HS6ST1: variants seen among roughly 807,000 people sequenced by gnomAD.
HS6ST1 encodes heparan-sulfate 6-O-sulfotransferase 1.
Under a neutral mutation model 25.2 loss-of-function variants are expected in HS6ST1, and 3 were observed. The observed-to-expected ratio is 0.12, with a 90% CI of 0.05 to 0.31. The LOEUF (loss-of-function observed/expected upper bound fraction) is 0.31. HS6ST1 is among the 10% of genes least tolerant of loss of function. The probability of loss-of-function intolerance (pLI) is 1.00; values close to 1 mark genes in which losing one functional copy is unlikely to be tolerated. For missense variants in HS6ST1, 310 were observed against 609.6 expected (o/e 0.51, Z 5.18); for synonymous variants, 204 against 275.1 (o/e 0.74, Z 2.56).
At chr2:128,316,570 A>G (rs1227209977) in intron 1 of HS6ST1, among the ~76,000 whole-genome samples, 1 of 152,178 alleles carries the variant, frequency 6.6e-6, no homozygotes. Context: ...TGTGCAGAGC[A>G]GACTAAGTGC....
chr2:128,285,084 C>T (rs946756660), intron 1 of HS6ST1, among the ~76,000 whole-genome samples: 7 of 152,238 alleles, frequency 4.6e-5, no homozygotes, highest in Non-Finnish European at 5.9e-5. Context: ...AGAGAACACA[C>T]GCTGATGGAG....
chr2:128,292,536 G>T (rs1254250441), intron 1 of HS6ST1, among the ~76,000 whole-genome samples: 1 of 152,112 alleles, frequency 6.6e-6, no homozygotes, highest in Non-Finnish European at 1.5e-5. Flanking sequence ...TCCCGGCGAG[G>T]ATGTGGAGGG....
intron 1 of HS6ST1, among the ~76,000 whole-genome samples, chr2:128,316,508 C>A (rs896367059): frequency 6.6e-6 from 1 of 152,064 alleles, no homozygotes; most frequent in African/African-American, 2.4e-5. Flanking sequence ...CTGAGCCTAG[C>A]ACAGAGAAGC....
chr2:128,288,081 C>T lies in HS6ST1; in HGVS notation c.528-19211G>A, dbSNP rs533946307. Among the ~76,000 whole-genome samples, 248 of 152,318 alleles carry T rather than the reference C, an allele frequency of 1.6e-3. 1 individual carries two copies. The highest frequency in any genetic ancestry group is 5.7e-3 in the African/African-American group (236 of 41,578). On this transcript the variant is annotated intron_variant, in intron 1 of 1. Transcript: ENST00000259241. Reference sequence around the variant, plus strand: ...GAGCAGCAGGGCAGCTGACTAGGGGCGGGCTGGCTCGGCCTGAGACCTGTC... The same window carrying T: ...GAGCAGCAGGGCAGCTGACTAGGGGTGGGCTGGCTCGGCCTGAGACCTGTC...
At chr2:128,269,646 G>A (rs889239489) in intron 1 of HS6ST1, among the ~76,000 whole-genome samples, 2 of 152,220 alleles carry the variant, frequency 1.3e-5, no homozygotes, top group Non-Finnish European at 2.9e-5. Context: ...GTGTGTGTGT[G>A]GGCTCAGCCC....
intron 1 of HS6ST1, among the ~76,000 whole-genome samples, chr2:128,286,117 C>G (rs1693856545): frequency 6.6e-6 from 1 of 152,232 alleles, no homozygotes; most frequent in Non-Finnish European, 1.5e-5. Flanking sequence ...GACTTAGAGC[C>G]TACAGCACCC....
At chr2:128,271,551 G>A (rs1325150633) in intron 1 of HS6ST1, among the ~76,000 whole-genome samples, 5 of 152,212 alleles carry the variant, frequency 3.3e-5, no homozygotes, top group African/African-American at 1.2e-4. Context: ...GGAAATGCGA[G>A]GGAGGGAGCA....
intron 1 of HS6ST1, among the ~76,000 whole-genome samples, chr2:128,306,875 C>A (rs891947873): frequency 1.3e-5 from 2 of 152,174 alleles, no homozygotes; most frequent in Non-Finnish European, 2.9e-5. Context: ...CAGGGCCAGG[C>A]ACCAGGCTGG....
chr2:128,312,924 G>A (rs548957993), intron 1 of HS6ST1, among the ~76,000 whole-genome samples: 1 of 152,136 alleles, frequency 6.6e-6, no homozygotes, highest in South Asian at 2.1e-4. Context: ...TTAGCCAAGT[G>A]TAGTGACGGG....
Position 128,312,964 on chromosome 2 carries a change from G to C in HS6ST1, c.527+5073C>G, listed in dbSNP as rs566308173. ...TGTAATCCCAGCTACGTGGGAGGCT[G>C]AGGTCGGACAATCGCTTGAAACTGG... On this transcript the variant is annotated intron_variant, in intron 1 of 1. Coordinates refer to ENST00000259241, the MANE Select transcript of HS6ST1 (RefSeq NM_004807.3). 2.4e-4 allele frequency among the ~76,000 whole-genome samples: 37 copies of C among 152,278 alleles called. 1 individual carries two copies. The highest frequency in any genetic ancestry group is 5.0e-4 in the Non-Finnish European group (34 of 68,022).
intron 1 of HS6ST1, among the ~76,000 whole-genome samples, chr2:128,293,927 G>C (rs908684580): frequency 1.3e-5 from 2 of 152,186 alleles, no homozygotes; most frequent in Non-Finnish European, 1.5e-5. Flanking sequence ...CAGTCCTGCT[G>C]AACATCCCAG....
intron 1 of HS6ST1, among the ~76,000 whole-genome samples, chr2:128,311,520 C>T (rs989059903): frequency 7.2e-5 from 11 of 152,346 alleles, no homozygotes; most frequent in South Asian, 4.1e-4. Context: ...ACCCACCACA[C>T]GCTACCACCA....
chr2:128,270,430 C>T (rs941621411), intron 1 of HS6ST1, among the ~76,000 whole-genome samples: 2 of 152,258 alleles, frequency 1.3e-5, no homozygotes, highest in African/African-American at 4.8e-5. Context: ...CCTGCACCCA[C>T]AGCCTGCCTG....
chr2:128,285,350 A>G (rs1259470969), intron 1 of HS6ST1, among the ~76,000 whole-genome samples: 1 of 152,164 alleles, frequency 6.6e-6, no homozygotes, highest in African/African-American at 2.4e-5. Flanking sequence ...TGGGAAGGGC[A>G]GGTGGCTCCC....
chr2:128,293,638 C>T (rs1336112690), intron 1 of HS6ST1, among the ~76,000 whole-genome samples: 2 of 152,182 alleles, frequency 1.3e-5, no homozygotes, highest in African/African-American at 4.8e-5. Flanking sequence ...GGCCCGGAGT[C>T]AGAGGAGGAA....
At chr2:128,299,224 C>T (rs1417528038) in intron 1 of HS6ST1, among the ~76,000 whole-genome samples, 1 of 152,256 alleles carries the variant, frequency 6.6e-6, no homozygotes, top group Non-Finnish European at 1.5e-5. Context: ...TGCACCACAA[C>T]TCCCCGACGC....
chr2:128,289,040 C>G (rs954390325), intron 1 of HS6ST1, among the ~76,000 whole-genome samples: 8 of 152,122 alleles, frequency 5.3e-5, no homozygotes, highest in African/African-American at 1.9e-4. Context: ...CAGAGGCGGC[C>G]GCGGAGAGAT....
rs145290237 is a variant in HS6ST1, at chr2:128,277,305, C to T, written c.528-8435G>A. 3.3e-3 allele frequency among the ~76,000 whole-genome samples: 507 copies of T among 152,324 alleles called. 4 individuals are homozygous for T. Among genetic ancestry groups the T allele is most frequent in the Admixed American group, 0.018 (269 of 15,302 alleles). On this transcript the variant is annotated intron_variant, in intron 1 of 1. Transcript: ENST00000259241. ...AAGCTGCGGTCCTGCTGCATGGCCC[C>T]CACAGCACCCTGACATCCATAGCAG...
intron 1 of HS6ST1, among the ~76,000 whole-genome samples, chr2:128,278,207 G>A (rs932572366): frequency 1.3e-5 from 2 of 152,262 alleles, no homozygotes; most frequent in African/African-American, 4.8e-5. Context: ...CATGGTGCCT[G>A]TCTCTCACTC....
Sources: gnomAD v4.1 joint callset for allele counts (sites outside exome capture counted in the v4.1 genomes callset) on GRCh38, gnomAD v4.1.1 for gene constraint, MANE v1.5 for transcripts, NCBI Gene and HGNC (gene_info 2026-07-23, HGNC 2026-07-21) for gene names.